The following GHR variants were observed in gnomAD, a reference collection of about 807,000 sequenced individuals.
GHR encodes GH receptor.
GHR carries 35 observed loss-of-function variants against 67.1 expected under a neutral mutation model. That is an observed-to-expected ratio of 0.52 (90% CI 0.40 to 0.69). The LOEUF is 0.69. GHR is among the 30% of genes least tolerant of loss of function. GHR has a pLI of 0.00. For synonymous variants in GHR, 272 were observed against 269.1 expected (o/e 1.01, Z -0.10); for missense variants, 792 against 764.6 (o/e 1.04, Z -0.42).
chr5:42,480,863 A>C (rs919746758), intron 1 of GHR, among the ~76,000 whole-genome samples: 3 of 152,176 alleles, frequency 2.0e-5, no homozygotes, highest in African/African-American at 7.2e-5. Flanking sequence ...TGTGTCTTTT[A>C]ATTGGAGCAT....
Position 42,423,773 on chromosome 5 carries a change from A to AGCG in GHR, c.-179_-177dup, listed in dbSNP as rs1427327353. Reference sequence around the variant, plus strand: ...CATGGGAAGAGGAGGAGGGCTAGGGAGCGGCGGCGGCGGCGGCAGCGGCAG... The same window carrying AGCG: ...CATGGGAAGAGGAGGAGGGCTAGGGAGCGGCGGCGGCGGCGGCGGCAGCGGCAG... On this transcript the variant is annotated 5_prime_UTR_variant, in exon 1 of 10. Transcript: ENST00000230882. 3 of 162,820 alleles carry AGCG rather than the reference A, an allele frequency of 1.8e-5. No homozygotes were observed. Among genetic ancestry groups the AGCG allele is most frequent in the South Asian group, 3.4e-4 (2 of 5,814 alleles). The allele number at this position is 162,820 out of a possible 1,614,324, so 10.1% of individuals were successfully genotyped here. A position where few individuals can be genotyped will look rare whatever the true frequency, so the allele number is the denominator to read the frequency against.
chr5:42,455,783 T>C, intron 1 of GHR, among the ~76,000 whole-genome samples: 1 of 152,198 alleles, frequency 6.6e-6, no homozygotes, highest in Non-Finnish European at 1.5e-5. Flanking sequence ...ACTATATATA[T>C]TGAAGCCCAA....
At chr5:42,572,884 C>T (rs1229989717) in intron 2 of GHR, among the ~76,000 whole-genome samples, 1 of 152,070 alleles carries the variant, frequency 6.6e-6, no homozygotes, top group Non-Finnish European at 1.5e-5. Context: ...GGGTAGGAGG[C>T]AGGTGAAGGG....
chr5:42,693,425 CA>C lies in GHR; in HGVS notation c.267-1491del, dbSNP rs568892747. ...AAGTGCTGGGATTACAGGCATGAACCACCGTACCCAGCCAGCATATGCAACT... is the reference window on the plus strand; with the variant it reads ...AAGTGCTGGGATTACAGGCATGAACCCCGTACCCAGCCAGCATATGCAACT... On this transcript the variant is annotated intron_variant, in intron 4 of 9. Transcript: ENST00000230882. 9.3e-4 allele frequency among the ~76,000 whole-genome samples: 142 copies of C among 152,198 alleles called. 1 individual carries two copies. The highest frequency in any genetic ancestry group is 3.3e-3 in the African/African-American group (139 of 41,520).
intron 1 of GHR, among the ~76,000 whole-genome samples, chr5:42,513,332 A>G (rs868174112): frequency 2.8e-4 from 43 of 152,182 alleles, no homozygotes; most frequent in Admixed American, 7.2e-4. Flanking sequence ...CCCAAATGAC[A>G]TTGTGGATTA....
intron 2 of GHR, among the ~76,000 whole-genome samples, chr5:42,618,554 G>A (rs1405599107): frequency 6.6e-6 from 1 of 151,972 alleles, no homozygotes; most frequent in Non-Finnish European, 1.5e-5. Context: ...TCTAATTGAG[G>A]GAGCGACAGC....
chr5:42,545,561 T>C (rs892917515), intron 1 of GHR, among the ~76,000 whole-genome samples: 17 of 152,206 alleles, frequency 1.1e-4, no homozygotes, highest in African/African-American at 3.9e-4. Flanking sequence ...AAAATGATCA[T>C]CTTGCAAGCA....
intron 2 of GHR, among the ~76,000 whole-genome samples, chr5:42,585,252 G>A (rs950253999): frequency 1.9e-4 from 29 of 152,348 alleles, no homozygotes; most frequent in African/African-American, 7.0e-4. Context: ...ACTCAGCTCA[G>A]AGGATTCCTT....
chr5:42,642,857 C>A (rs1754547109), intron 3 of GHR, among the ~76,000 whole-genome samples: 1 of 152,084 alleles, frequency 6.6e-6, no homozygotes, highest in African/African-American at 2.4e-5. Flanking sequence ...TGGTGACTGC[C>A]AGCAATCTTT....
At chr5:42,564,186 G>A (rs1749797344) in intron 1 of GHR, among the ~76,000 whole-genome samples, 1 of 123,460 alleles carries the variant, frequency 8.1e-6, no homozygotes, top group Non-Finnish European at 1.7e-5. Context: ...ATCTCACAAT[G>A]TGTGAGATTT....
intron 1 of GHR, among the ~76,000 whole-genome samples, chr5:42,539,170 A>T (rs974299959): frequency 6.6e-6 from 1 of 151,108 alleles, no homozygotes; most frequent in Non-Finnish European, 1.5e-5. Context: ...AACCTCCTGA[A>T]TTCTTTCTCA....
At chr5:42,621,031 T>G (rs1434228020) in intron 2 of GHR, among the ~76,000 whole-genome samples, 3 of 152,140 alleles carry the variant, frequency 2.0e-5, no homozygotes. Context: ...TTATTCCTTT[T>G]AGCATTGCTG....
chr5:42,677,813 A>T (rs2111560400), intron 3 of GHR, among the ~76,000 whole-genome samples: 1 of 152,288 alleles, frequency 6.6e-6, no homozygotes, highest in South Asian at 2.1e-4. Context: ...GGAAAGCCAA[A>T]AGATTGGACA....
intron 1 of GHR, among the ~76,000 whole-genome samples, chr5:42,555,095 A>G (rs1031297172): frequency 2.6e-5 from 4 of 152,186 alleles, no homozygotes; most frequent in African/African-American, 9.7e-5. Flanking sequence ...TTTGCCATCT[A>G]TCTGGCAGCC....
chr5:42,443,466 T>C (rs1743668453), intron 1 of GHR, among the ~76,000 whole-genome samples: 1 of 152,150 alleles, frequency 6.6e-6, no homozygotes, highest in South Asian at 2.1e-4. Context: ...TCTGTTGCCC[T>C]TGTCTGTCAT....
intron 3 of GHR, among the ~76,000 whole-genome samples, chr5:42,670,880 A>AAATAT (rs1554034852): frequency 7.6e-5 from 9 of 118,210 alleles, no homozygotes; most frequent in African/African-American, 2.0e-4. Context: ...AAAAAAAAAA[A>AAATAT]ATATATATAT....
At chr5:42,487,922 A>G (rs1400907348) in intron 1 of GHR, among the ~76,000 whole-genome samples, 3 of 152,230 alleles carry the variant, frequency 2.0e-5, no homozygotes, top group Non-Finnish European at 4.4e-5. Flanking sequence ...TCAAAATTTA[A>G]CCTTAAACTC....
Position 42,578,814 on chromosome 5 carries a change from CT to C in GHR, c.70+12875del, listed in dbSNP as rs533855340. The stretch of plus-strand genomic sequence containing the variant: ...AGTTGTCAGACAGCTGTTAATTCCC[CT>C]TTTTCATACCTGCTCCAATGATAGC... On this transcript the variant is annotated intron_variant, in intron 2 of 9. Transcript: ENST00000230882. Among the ~76,000 whole-genome samples, 189 of 152,138 alleles carry C rather than the reference CT, an allele frequency of 1.2e-3. 1 individual carries two copies. Among genetic ancestry groups the C allele is most frequent in the African/African-American group, 4.2e-3 (175 of 41,494 alleles).
At chr5:42,644,893 A>G (rs1274091447) in intron 3 of GHR, among the ~76,000 whole-genome samples, 1 of 152,164 alleles carries the variant, frequency 6.6e-6, no homozygotes, top group Non-Finnish European at 1.5e-5. Context: ...CTCAAATTTC[A>G]TCCTCAAGTA....
Sources: gnomAD v4.1 joint callset for allele counts (sites outside exome capture counted in the v4.1 genomes callset) on GRCh38, gnomAD v4.1.1 for gene constraint, MANE v1.5 for transcripts, NCBI Gene and HGNC (gene_info 2026-07-23, HGNC 2026-07-21) for gene names.